GLIS1: variants seen among roughly 807,000 people sequenced by gnomAD.
GLIS1 encodes zinc finger protein GLIS1.
GLIS1 carries 24 observed loss-of-function variants against 63.8 expected under a neutral mutation model. That is an observed-to-expected ratio of 0.38 (90% confidence interval 0.27 to 0.53). GLIS1 has a LOEUF of 0.53. GLIS1 is among the 20% of genes least tolerant of loss of function. GLIS1 has a pLI of 0.85. For missense variants in GLIS1, 1,036 were observed against 1,074.1 expected, an observed-to-expected ratio of 0.96 and a Z score of 0.50; for synonymous variants, 450 against 482.5, an observed-to-expected ratio of 0.93 and a Z score of 0.88.
At chr1:53,571,329 C>T (rs567391923) in intron 4 of GLIS1, among the ~76,000 whole-genome samples, 63 of 152,256 alleles carry the variant, frequency 4.1e-4, no homozygotes, top group South Asian at 3.5e-3. Context: ...GAAAACAAGC[C>T]GGCATTTTCA....
chr1:53,729,304 AAAG>A (rs1646835667), intron 2 of GLIS1, among the ~76,000 whole-genome samples: 1 of 152,174 alleles, frequency 6.6e-6, no homozygotes, highest in South Asian at 2.1e-4. Context: ...TTGAAGGCCC[AAAG>A]AAGAGCCTGC....
Position 53,574,639 on chromosome 1 carries a change from G to A in GLIS1, c.1320+19469C>T, listed in dbSNP as rs2100475878. ...GAAGTTTCTCACCCTTTCTCTGCCT[G>A]GAGAGGCTGGTGGGTCATGATGTCT... On this transcript the variant is annotated intron_variant, in intron 4 of 10. Coordinates refer to ENST00000628545, the MANE Select transcript of GLIS1 (RefSeq NM_001367484.1). The surrounding 1 kb of genome is among the most constrained non-coding windows in gnomAD (Gnocchi z 4.2). Among the ~76,000 whole-genome samples the A allele has an allele frequency of 6.6e-6, 1 of 152,326 alleles. No individual in the cohort carries two copies. The highest frequency in any genetic ancestry group is 1.9e-4 in the East Asian group (1 of 5,186).
At chr1:53,707,733 T>G (rs1358560362) in intron 2 of GLIS1, among the ~76,000 whole-genome samples, 1 of 152,052 alleles carries the variant, frequency 6.6e-6, no homozygotes, top group Non-Finnish European at 1.5e-5. Context: ...TCTTATCTTT[T>G]GTACAGATAG....
At chr1:53,595,840 TG>T (rs2100536997) in intron 3 of GLIS1, among the ~76,000 whole-genome samples, 1 of 152,276 alleles carries the variant, frequency 6.6e-6, no homozygotes, top group South Asian at 2.1e-4. Context: ...GCAGTCCTGG[TG>T]GGGGTGTCTC....
In GLIS1 at chr1:53,560,670, C is replaced by T. The variant is rs937686613; in HGVS notation, c.1321-30718G>A. Among the ~76,000 whole-genome samples the T allele has an allele frequency of 4.6e-5, 7 of 152,272 alleles. No individual in the cohort carries two copies. The highest frequency in any genetic ancestry group is 1.9e-4 in the East Asian group (1 of 5,176). On this transcript the variant is annotated intron_variant, in intron 4 of 10. Coordinates refer to ENST00000628545, the MANE Select transcript of GLIS1 (RefSeq NM_001367484.1). This position sits in a 1 kb window ranked among gnomAD's most constrained non-coding sequence, Gnocchi z 4.4. The stretch of plus-strand genomic sequence containing the variant: ...CCTTTGGCAAACACTTGTTGCGGGC[C>T]GTGTGTCCCGCAATGTTCTAGGCAC...
intron 2 of GLIS1, among the ~76,000 whole-genome samples, chr1:53,670,202 G>A (rs1465711179): frequency 3.9e-5 from 6 of 152,096 alleles, no homozygotes; most frequent in Non-Finnish European, 7.4e-5. Context: ...CCCCCAGCCC[G>A]AACCCACATC....
chr1:53,591,218 T>C (rs776172824), intron 4 of GLIS1, among the ~76,000 whole-genome samples: 5 of 152,196 alleles, frequency 3.3e-5, no homozygotes, highest in Non-Finnish European at 5.9e-5. Context: ...ATTTTACTTA[T>C]CTGGGTGCTG....
intron 2 of GLIS1, among the ~76,000 whole-genome samples, chr1:53,649,946 G>A (rs925459189): frequency 3.9e-5 from 6 of 152,114 alleles, no homozygotes; most frequent in Non-Finnish European, 7.3e-5. Context: ...TGACTATACC[G>A]GGGCTCTCAG....
intron 2 of GLIS1, among the ~76,000 whole-genome samples, chr1:53,670,316 T>A (rs1387992075): frequency 1.3e-5 from 2 of 152,076 alleles, no homozygotes; most frequent in African/African-American, 4.8e-5. Flanking sequence ...GGACTATAAA[T>A]CTCCAAAAAG....
intron 2 of GLIS1, among the ~76,000 whole-genome samples, chr1:53,628,405 G>A (rs1479529189): frequency 6.6e-6 from 1 of 152,138 alleles, no homozygotes; most frequent in African/African-American, 2.4e-5. Context: ...ACCAAGGGCA[G>A]GAGAGCCATG....
At chr1:53,687,303 C>T (rs1646347955) in intron 2 of GLIS1, among the ~76,000 whole-genome samples, 1 of 152,164 alleles carries the variant, frequency 6.6e-6, no homozygotes, top group South Asian at 2.1e-4. Flanking sequence ...CCACCTGGGT[C>T]TCTCAGACAT....
chr1:53,668,839 G>A (rs372975197), intron 2 of GLIS1, among the ~76,000 whole-genome samples: 16 of 152,092 alleles, frequency 1.1e-4, no homozygotes, highest in African/African-American at 2.9e-4. Context: ...CCTACGACAC[G>A]TCTCAGAACG....
At chr1:53,627,500 A>G (rs764237871) in intron 2 of GLIS1, among the ~76,000 whole-genome samples, 5 of 152,216 alleles carry the variant, frequency 3.3e-5, no homozygotes, top group African/African-American at 1.2e-4. Context: ...ATGGGACCCC[A>G]GTACTAGACA....
In GLIS1 at chr1:53,539,410, A is replaced by G. The variant is rs1644617226; in HGVS notation, c.1321-9458T>C. On this transcript the variant is annotated intron_variant, in intron 4 of 10. Coordinates refer to ENST00000628545, the MANE Select transcript of GLIS1 (RefSeq NM_001367484.1). The surrounding 1 kb of genome is among the most constrained non-coding windows in gnomAD (Gnocchi z 5.0). ...CACACACACACTCCACAGCACATGA[A>G]TGCACACCCCACACACACACCATAC... 6.6e-6 allele frequency among the ~76,000 whole-genome samples: 1 copy of G among 150,646 alleles called. No individual in the cohort carries two copies. Among genetic ancestry groups the G allele is most frequent in the Non-Finnish European group, 1.5e-5 (1 of 67,606 alleles).
intron 2 of GLIS1, among the ~76,000 whole-genome samples, chr1:53,730,403 T>G (rs1646848797): frequency 6.6e-6 from 1 of 152,166 alleles, no homozygotes; most frequent in Non-Finnish European, 1.5e-5. Context: ...ATTCATATAG[T>G]CCAGCAGCGT....
intron 2 of GLIS1, among the ~76,000 whole-genome samples, chr1:53,699,343 C>T (rs1487176857): frequency 7.9e-5 from 12 of 152,160 alleles, no homozygotes; most frequent in African/African-American, 1.2e-4. Context: ...AGATTACAGG[C>T]GTGAGCCACC....
chr1:53,605,969 C>T (rs1645365802), intron 2 of GLIS1, among the ~76,000 whole-genome samples: 1 of 152,130 alleles, frequency 6.6e-6, no homozygotes, highest in Admixed American at 6.5e-5. Flanking sequence ...CAAGCTTTGT[C>T]ACACACACAC....
chr1:53,558,809 C>G (rs1409599404), intron 4 of GLIS1, among the ~76,000 whole-genome samples: 1 of 152,232 alleles, frequency 6.6e-6, no homozygotes, highest in African/African-American at 2.4e-5. Context: ...TCCATTCAGG[C>G]CCCGACACGT....
chr1:53,563,123 G>C (rs950673568), intron 4 of GLIS1, among the ~76,000 whole-genome samples: 1 of 152,272 alleles, frequency 6.6e-6, no homozygotes, highest in Non-Finnish European at 1.5e-5. Flanking sequence ...GAAAGGTGGG[G>C]TTCCCCCAAG....
Sources: gnomAD v4.1 joint callset for allele counts (sites outside exome capture counted in the v4.1 genomes callset) on GRCh38, gnomAD v4.1.1 for gene constraint, Gnocchi (gnomAD v3.1) non-coding constraint, MANE v1.5 for transcripts, NCBI Gene and HGNC (gene_info 2026-07-23, HGNC 2026-07-21) for gene names.